The following DGKB variants were observed in gnomAD, a reference collection of about 807,000 sequenced individuals.
The protein encoded by DGKB is diacylglycerol kinase beta.
A neutral mutation model predicts 114.3 loss-of-function variants in DGKB; 67 were observed. That is an observed-to-expected ratio of 0.59 (90% CI 0.48 to 0.72). The LOEUF (loss-of-function observed/expected upper bound fraction) is 0.72. Among genes scored for constraint, DGKB ranks in the 30% least tolerant of loss-of-function variants. The probability of loss-of-function intolerance (pLI) is 0.00; values close to 1 mark genes in which losing one functional copy is unlikely to be tolerated. For synonymous variants in DGKB, 398 were observed against 323.1 expected, an observed-to-expected ratio of 1.23 and a Z score of -2.49; for missense variants, 907 against 975.2, an observed-to-expected ratio of 0.93 and a Z score of 0.93.
chr7:14,294,317 T>C (rs1030874640), intron 23 of DGKB, among the ~76,000 whole-genome samples: 1 of 152,140 alleles, frequency 6.6e-6, no homozygotes, highest in Non-Finnish European at 1.5e-5. Context: ...AATGTATTCA[T>C]AGATTCTGAA....
At chr7:14,883,306 A>G (rs1854528222) in intron 1 of DGKB, among the ~76,000 whole-genome samples, 1 of 151,928 alleles carries the variant, frequency 6.6e-6, no homozygotes, top group African/African-American at 2.4e-5. Context: ...ATCTTCCCCT[A>G]AAGTATGAAG....
At chr7:14,370,099 A>G (rs1258591850) in intron 21 of DGKB, among the ~76,000 whole-genome samples, 1 of 152,134 alleles carries the variant, frequency 6.6e-6, no homozygotes, top group Non-Finnish European at 1.5e-5. Flanking sequence ...TTAAGTCTTT[A>G]ATCCATCTTG....
chr7:14,934,122 G>T (rs1587410260), intron 1 of DGKB, among the ~76,000 whole-genome samples: 1 of 152,114 alleles, frequency 6.6e-6, no homozygotes, highest in South Asian at 2.1e-4. Context: ...TGAATGACTT[G>T]TCAGCTCTGG....
At chr7:14,799,397 T>C (rs1841841057) in intron 2 of DGKB, among the ~76,000 whole-genome samples, 1 of 152,208 alleles carries the variant, frequency 6.6e-6, no homozygotes, top group South Asian at 2.1e-4. Flanking sequence ...TTCCATTACA[T>C]TGATGACATC....
intron 17 of DGKB, among the ~76,000 whole-genome samples, chr7:14,584,710 G>A (rs1455260207): frequency 1.3e-5 from 2 of 151,542 alleles, no homozygotes; most frequent in Non-Finnish European, 2.9e-5. Context: ...CCAATATGGA[G>A]TGCAATGGTG....
At chr7:14,929,030 C>CACACAA (rs1206517406) in intron 1 of DGKB, among the ~76,000 whole-genome samples, 1 of 150,002 alleles carries the variant, frequency 6.7e-6, no homozygotes, top group Non-Finnish European at 1.5e-5. Context: ...TATACACACA[C>CACACAA]ACACACACAC....
intron 25 of DGKB, among the ~76,000 whole-genome samples, chr7:14,162,832 C>A (rs1307893672): frequency 6.6e-6 from 1 of 152,092 alleles, no homozygotes; most frequent in East Asian, 1.9e-4. Flanking sequence ...AAAAAGCAAT[C>A]ATATCTAATC....
intron 2 of DGKB, among the ~76,000 whole-genome samples, chr7:14,839,038 A>G (rs373526505): frequency 7.0e-4 from 107 of 152,196 alleles, no homozygotes; most frequent in African/African-American, 2.2e-3. Flanking sequence ...CCTATCTCCA[A>G]TGGAATTGTA....
chr7:14,818,598 G>A (rs1000885642), intron 2 of DGKB, among the ~76,000 whole-genome samples: 2 of 152,124 alleles, frequency 1.3e-5, no homozygotes, highest in Non-Finnish European at 2.9e-5. Flanking sequence ...GAACAGCTAC[G>A]ACATAATGGA....
At position 14,145,666 on chromosome 7, in the gene DGKB, C is replaced by CT. The variant is rs1270472469; in HGVS notation, c.*3464_*3465insA. The CT allele has an allele frequency of 6.6e-6, 1 of 152,096 alleles. No individual in the cohort carries two copies. The highest frequency in any genetic ancestry group is 1.5e-5 in the Non-Finnish European group (1 of 68,044). 9.4% of individuals were successfully genotyped at this position (152,096 alleles called of 1,614,324 possible). On this transcript the variant is annotated 3_prime_UTR_variant, in exon 26 of 26. Transcript: ENST00000402815. ...TAGAGACGAGGTTTCACCATATTGGCCAGGCTGGTCTTGAACTCCTGACCT... is the reference window on the plus strand; with the variant it reads ...TAGAGACGAGGTTTCACCATATTGGCTCAGGCTGGTCTTGAACTCCTGACCT...
At chr7:14,750,238 C>T (rs543466375) in intron 4 of DGKB, 3 of 483,110 alleles carry the variant, frequency 6.2e-6, no homozygotes, top group African/African-American at 5.8e-5. Context: ...ACAGATTTTG[C>T]AATATTAACA....
In DGKB at chr7:14,532,141, T is replaced by C. The variant is rs537886019; in HGVS notation, c.1770+42071A>G. Among the ~76,000 whole-genome samples, 10 of 151,422 alleles carry C rather than the reference T, an allele frequency of 6.6e-5. No individual in the cohort carries two copies. In the South Asian group the frequency reaches 2.1e-3, roughly 31 times the overall value. ...ATATAGGAGAAATTCTTCACGACCT[T>C]TGGGTTAGGGAAAATGTTCCCAGAT... On this transcript the variant is annotated intron_variant, in intron 20 of 25. Coordinates refer to ENST00000402815, the MANE Select transcript of DGKB (RefSeq NM_001350709.2).
intron 21 of DGKB, among the ~76,000 whole-genome samples, chr7:14,360,156 C>A (rs549546918): frequency 7.2e-5 from 11 of 152,174 alleles, no homozygotes; most frequent in African/African-American, 2.6e-4. Context: ...AGTTCATGTC[C>A]TTTGCAGGGT....
At chr7:14,367,069 G>A (rs970441806) in intron 21 of DGKB, among the ~76,000 whole-genome samples, 10 of 152,042 alleles carry the variant, frequency 6.6e-5, no homozygotes, top group Admixed American at 3.9e-4. Flanking sequence ...AGAGACATGC[G>A]GTGCAATACT....
intron 25 of DGKB, among the ~76,000 whole-genome samples, chr7:14,169,445 G>C (rs947675369): frequency 6.6e-6 from 1 of 151,838 alleles, no homozygotes; most frequent in Non-Finnish European, 1.5e-5. Flanking sequence ...GAGGTAGCCT[G>C]CCTGGAGACC....
intron 23 of DGKB, among the ~76,000 whole-genome samples, chr7:14,292,330 G>A (rs773595426): frequency 5.9e-5 from 9 of 152,128 alleles, no homozygotes; most frequent in Non-Finnish European, 8.8e-5. Flanking sequence ...CACTGACTCA[G>A]AATGTGGAAC....
At chr7:14,818,715 T>G (rs567410731) in intron 2 of DGKB, among the ~76,000 whole-genome samples, 21 of 152,352 alleles carry the variant, frequency 1.4e-4, no homozygotes, top group African/African-American at 4.8e-4. Context: ...AACTTTTAGT[T>G]GTGAAATGCA....
At chr7:14,915,739 GAAGA>G (rs1562873005) in intron 1 of DGKB, among the ~76,000 whole-genome samples, 1 of 152,030 alleles carries the variant, frequency 6.6e-6, no homozygotes, top group Admixed American at 6.6e-5. Flanking sequence ...CAAAGGGGAA[GAAGA>G]AATAAAGACT....
chr7:14,810,437 G>T (rs1425954353), intron 2 of DGKB, among the ~76,000 whole-genome samples: 1 of 152,104 alleles, frequency 6.6e-6, no homozygotes, highest in Non-Finnish European at 1.5e-5. Flanking sequence ...AATGTGTTCT[G>T]CAAATGTCAA....
Sources: gnomAD v4.1 joint callset for allele counts (sites outside exome capture counted in the v4.1 genomes callset) on GRCh38, gnomAD v4.1.1 for gene constraint, MANE v1.5 for transcripts, NCBI Gene and HGNC (gene_info 2026-07-23, HGNC 2026-07-21) for gene names.